Variants in HTR7 observed in about 807,000 individuals in gnomAD.
The protein encoded by HTR7 is 5-HT-7.
A neutral mutation model predicts 34.0 loss-of-function variants in HTR7; 16 were observed. The observed-to-expected ratio is 0.47, with a 90% CI of 0.32 to 0.71. The LOEUF (loss-of-function observed/expected upper bound fraction) is 0.71, where lower values mean the gene tolerates loss of function less well. Among genes scored for constraint, HTR7 ranks in the 30% least tolerant of loss-of-function variants. The pLI is 0.04. For synonymous variants in HTR7, 265 were observed against 260.2 expected (o/e 1.02, Z -0.18); for missense variants, 504 against 625.5 (o/e 0.81, Z 2.07).
intron 2 of HTR7, 30 bp from the exon 3 acceptor site, chr10:90,743,720 C>T (rs759708595): frequency 6.7e-7 from 1 of 1,494,896 alleles, no homozygotes; most frequent in Non-Finnish European, 9.3e-7. Flanking sequence ...AAAGCAAATC[C>T]ATAAGTAAAT....
rs1564705274 is a variant in HTR7, at chr10:90,857,348, G to T, written c.324C>A (p.Phe108Leu). 1.2e-6 allele frequency: 2 copies of T among 1,614,050 alleles called. No homozygotes were observed. Among genetic ancestry groups the T allele is most frequent in the Non-Finnish European group, 1.7e-6 (2 of 1,179,990 alleles). The change falls in exon 1 of 4, where the codon TTC (phenylalanine) becomes TTA (leucine). Residue 108 changes from phenylalanine (F) to leucine (L), a missense_variant. Transcript: ENST00000336152. The surrounding 1 kb of genome is among the most constrained non-coding windows in gnomAD (Gnocchi z 6.5). Reference sequence around the variant, plus strand: ...TGGAGGGCTGGCGGAGCTTCTTGACGAAGCACACGGAGATCACCACCAGGC... The same window carrying T: ...TGGAGGGCTGGCGGAGCTTCTTGACTAAGCACACGGAGATCACCACCAGGC... ...GNCLVVISVC[F>L]VKKLRQPSNY...
At chr10:90,806,777 T>G (rs1845713456) in intron 1 of HTR7, among the ~76,000 whole-genome samples, 2 of 152,182 alleles carry the variant, frequency 1.3e-5, no homozygotes, top group Non-Finnish European at 2.9e-5. Context: ...TGGTTATTGT[T>G]ATCTATAATA....
chr10:90,769,500 A>T (rs912242748), intron 1 of HTR7, among the ~76,000 whole-genome samples: 1 of 152,224 alleles, frequency 6.6e-6, no homozygotes, highest in Admixed American at 6.5e-5. Context: ...TTCTTTCTGA[A>T]TTAAATTGCT....
intron 1 of HTR7, among the ~76,000 whole-genome samples, chr10:90,847,379 T>G (rs1268877026): frequency 6.6e-6 from 1 of 152,196 alleles, no homozygotes; most frequent in Non-Finnish European, 1.5e-5. Flanking sequence ...GGCTAAGTGT[T>G]ACTACACAAA....
intron 1 of HTR7, among the ~76,000 whole-genome samples, chr10:90,856,011 A>T (rs962008007): frequency 2.6e-5 from 4 of 152,192 alleles, no homozygotes; most frequent in Non-Finnish European, 5.9e-5. Flanking sequence ...CAAGAAGAAA[A>T]AAAGGAAAAT....
chr10:90,818,978 C>T (rs1343351274), intron 1 of HTR7, among the ~76,000 whole-genome samples: 1 of 152,158 alleles, frequency 6.6e-6, no homozygotes, highest in Non-Finnish European at 1.5e-5. Context: ...TCACCTTCTA[C>T]CATGATTGAA....
chr10:90,805,934 T>TC (rs2119942200), intron 1 of HTR7, among the ~76,000 whole-genome samples: 1 of 152,348 alleles, frequency 6.6e-6, no homozygotes, highest in South Asian at 2.1e-4. Flanking sequence ...TCTTTAGTAA[T>TC]TTAAAATCTA....
chr10:90,833,693 C>T (rs979824771), intron 1 of HTR7, among the ~76,000 whole-genome samples: 1 of 151,988 alleles, frequency 6.6e-6, no homozygotes, highest in Non-Finnish European at 1.5e-5. Context: ...TCCTGGGGTT[C>T]CCAAAATGCC....
At chr10:90,782,006 C>T (rs988993162) in intron 1 of HTR7, among the ~76,000 whole-genome samples, 2 of 152,242 alleles carry the variant, frequency 1.3e-5, no homozygotes, top group Admixed American at 6.5e-5. Flanking sequence ...TCAGGCTGGA[C>T]TCCAGGACCA....
At chr10:90,811,314 T>G (rs1168091371) in intron 1 of HTR7, among the ~76,000 whole-genome samples, 2 of 152,110 alleles carry the variant, frequency 1.3e-5, no homozygotes, top group African/African-American at 4.8e-5. Flanking sequence ...AATCACAAAC[T>G]ATGCTCAACT....
chr10:90,780,364 C>T (rs763949717), intron 1 of HTR7, among the ~76,000 whole-genome samples: 2 of 152,036 alleles, frequency 1.3e-5, no homozygotes, highest in Non-Finnish European at 2.9e-5. Context: ...GGTGAAACCC[C>T]ATCTCTACTA....
intron 1 of HTR7, among the ~76,000 whole-genome samples, chr10:90,827,164 A>T (rs1023115337): frequency 6.6e-6 from 1 of 152,094 alleles, no homozygotes; most frequent in African/African-American, 2.4e-5. Context: ...ACACAAAACA[A>T]CCAGAAAATA....
chr10:90,808,539 C>A (rs547218302), intron 1 of HTR7, among the ~76,000 whole-genome samples: 192 of 151,610 alleles, frequency 1.3e-3, no homozygotes, highest in African/African-American at 4.4e-3. Context: ...TATTTCCACG[C>A]CCCAACCTGT....
chr10:90,800,023 G>C (rs1227484377), intron 1 of HTR7, among the ~76,000 whole-genome samples: 1 of 152,096 alleles, frequency 6.6e-6, no homozygotes, highest in Non-Finnish European at 1.5e-5. Context: ...ACTGTGTATG[G>C]ATATCTCATC....
chr10:90,742,622 G>T, intron 3 of HTR7, 94 bp from the exon 4 acceptor site: 1 of 790,644 alleles, frequency 1.3e-6, no homozygotes, highest in Non-Finnish European at 2.1e-6. Flanking sequence ...TTTTACAGCA[G>T]TCAGTAATTT....
At chr10:90,818,105 T>C (rs557442059) in intron 1 of HTR7, among the ~76,000 whole-genome samples, 1 of 152,354 alleles carries the variant, frequency 6.6e-6, no homozygotes, top group African/African-American at 2.4e-5. Context: ...GTGGTTTAAA[T>C]GTGTTCATAT....
chr10:90,745,454 G>A (rs1264657814), intron 2 of HTR7, among the ~76,000 whole-genome samples: 1 of 152,126 alleles, frequency 6.6e-6, no homozygotes, highest in Admixed American at 6.5e-5. Context: ...TGGGAATTTG[G>A]TTTCAAAATA....
At chr10:90,803,093 A>G (rs950823735) in intron 1 of HTR7, among the ~76,000 whole-genome samples, 5 of 146,518 alleles carry the variant, frequency 3.4e-5, no homozygotes, top group Non-Finnish European at 7.4e-5. Context: ...TTGCCTCCTC[A>G]GAAGAAAGAA....
At chr10:90,753,621 T>G (rs552022760) in intron 1 of HTR7, among the ~76,000 whole-genome samples, 1 of 152,220 alleles carries the variant, frequency 6.6e-6, no homozygotes, top group East Asian at 1.9e-4. Context: ...GGATTTTGTC[T>G]TAAGAAGATA....
Sources: gnomAD v4.1 joint callset for allele counts (sites outside exome capture counted in the v4.1 genomes callset) on GRCh38, gnomAD v4.1.1 for gene constraint, Gnocchi (gnomAD v3.1) non-coding constraint, MANE v1.5 for transcripts, NCBI Gene and HGNC (gene_info 2026-07-23, HGNC 2026-07-21) for gene names.